The following NRG3 variants were observed in gnomAD, a reference collection of about 807,000 sequenced individuals.
NRG3 encodes the protein neuregulin 3.
NRG3 carries 31 observed loss-of-function variants against 66.9 expected under a neutral mutation model. The ratio of observed to expected loss-of-function variants is 0.46; its 90% CI spans 0.35 to 0.63. NRG3 has a LOEUF of 0.63. Ranked by LOEUF, NRG3 falls within the 20% of genes least tolerant of loss-of-function variation. The pLI is 0.00. For missense variants in NRG3, 910 were observed against 878.9 expected (o/e 1.04, Z -0.45); for synonymous variants, 393 against 359.4 (o/e 1.09, Z -1.06).
intron 1 of NRG3, among the ~76,000 whole-genome samples, chr10:82,175,030 A>C (rs2133151853): frequency 6.6e-6 from 1 of 152,228 alleles, no homozygotes; most frequent in East Asian, 1.9e-4. Context: ...ACATCCAGTC[A>C]TCCAAGTTAG....
At chr10:82,112,929 C>T (rs938497781) in intron 1 of NRG3, among the ~76,000 whole-genome samples, 1 of 152,028 alleles carries the variant, frequency 6.6e-6, no homozygotes, top group African/African-American at 2.4e-5. Flanking sequence ...TAGGTTGTGC[C>T]CCATGGTTGA....
intron 3 of NRG3, among the ~76,000 whole-genome samples, chr10:82,850,238 C>G (rs1300259883): frequency 6.6e-6 from 1 of 152,276 alleles, no homozygotes; most frequent in East Asian, 1.9e-4. Flanking sequence ...GAAGTTGGTG[C>G]AGAAGAGAAT....
chr10:82,893,208 A>T (rs533217828), intron 4 of NRG3, among the ~76,000 whole-genome samples: 2 of 152,340 alleles, frequency 1.3e-5, no homozygotes, highest in South Asian at 4.1e-4. Flanking sequence ...TCTAGTGCAT[A>T]ACACAGCCTC....
intron 2 of NRG3, among the ~76,000 whole-genome samples, chr10:82,582,447 G>A (rs1357828302): frequency 2.0e-5 from 3 of 152,066 alleles, no homozygotes; most frequent in African/African-American, 7.2e-5. Context: ...TAAATGGTAT[G>A]GCTCCCTTCT....
rs564516855 is a variant in NRG3, at chr10:82,096,226, C to T, written c.823+220063C>T. On this transcript the variant is annotated intron_variant, in intron 1 of 8. Coordinates refer to ENST00000372141, the MANE Select transcript of NRG3 (RefSeq NM_001010848.4). ...GCACAGTGGCTCATGCCTGTAATCC[C>T]AGCACTTTGGGAGGCTGAGGTGGGC... Among the ~76,000 whole-genome samples, 22 of 152,244 alleles carry T rather than the reference C, an allele frequency of 1.4e-4. No homozygotes were observed. In the South Asian group the frequency reaches 2.5e-3, roughly 17 times the overall value.
At chr10:82,061,876 C>T (rs1564782399) in intron 1 of NRG3, among the ~76,000 whole-genome samples, 2 of 151,842 alleles carry the variant, frequency 1.3e-5, no homozygotes, top group Non-Finnish European at 2.9e-5. Flanking sequence ...CACACAAACA[C>T]ACACACACAC....
intron 4 of NRG3, among the ~76,000 whole-genome samples, chr10:82,924,678 A>G (rs764834461): frequency 2.0e-5 from 3 of 152,036 alleles, no homozygotes; most frequent in African/African-American, 7.2e-5. Context: ...TGGTAGTGTA[A>G]TTAAGATTTT....
At chr10:82,616,368 C>A (rs1031542402) in intron 2 of NRG3, among the ~76,000 whole-genome samples, 1 of 152,120 alleles carries the variant, frequency 6.6e-6, no homozygotes, top group Non-Finnish European at 1.5e-5. Context: ...GTGTACAATT[C>A]TTTTTTCAGT....
At chr10:82,409,835 GGCTGGCAGTTGAT>G (rs2087918831) in intron 2 of NRG3, among the ~76,000 whole-genome samples, 1 of 152,148 alleles carries the variant, frequency 6.6e-6, no homozygotes. Flanking sequence ...TTACTCAGGT[GGCTGGCAGTTGAT>G]GCTGGCTGTC....
intron 3 of NRG3, among the ~76,000 whole-genome samples, chr10:82,829,695 G>A (rs2062417175): frequency 6.6e-6 from 1 of 152,092 alleles, no homozygotes; most frequent in Non-Finnish European, 1.5e-5. Flanking sequence ...TTGGAGCCTG[G>A]GGAGTAACCT....
chr10:82,288,916 T>G (rs1299859223), intron 1 of NRG3, among the ~76,000 whole-genome samples: 3 of 152,238 alleles, frequency 2.0e-5, no homozygotes, highest in Non-Finnish European at 2.9e-5. Context: ...GTTTGGTCAC[T>G]TTAGCATTAA....
chr10:82,590,621 T>C (rs1188551396), intron 2 of NRG3, among the ~76,000 whole-genome samples: 3 of 152,184 alleles, frequency 2.0e-5, no homozygotes, highest in African/African-American at 7.2e-5. Flanking sequence ...AAGATTTATA[T>C]AGATGCTGCA....
chr10:82,362,753 G>A (rs898390148), intron 2 of NRG3, among the ~76,000 whole-genome samples: 1 of 151,742 alleles, frequency 6.6e-6, no homozygotes, highest in African/African-American at 2.4e-5. Context: ...GGTATATTGT[G>A]GGACTTAGTA....
intron 1 of NRG3, among the ~76,000 whole-genome samples, chr10:82,293,198 G>A (rs1007343814): frequency 1.3e-5 from 2 of 152,102 alleles, no homozygotes; most frequent in African/African-American, 2.4e-5. Context: ...GATGGTCTAC[G>A]TTGAGTTCAA....
chr10:81,983,976 A>C (rs1397172740), intron 1 of NRG3, among the ~76,000 whole-genome samples: 1 of 147,918 alleles, frequency 6.8e-6, no homozygotes, highest in East Asian at 1.9e-4. Flanking sequence ...GAAAATAAAT[A>C]AAGAAGGTTC....
At chr10:82,590,505 C>A (rs1211602018) in intron 2 of NRG3, among the ~76,000 whole-genome samples, 1 of 152,080 alleles carries the variant, frequency 6.6e-6, no homozygotes, top group African/African-American at 2.4e-5. Context: ...GATCCATGGA[C>A]CTGTAGGATG....
At chr10:82,663,025 A>C (rs901708736) in intron 2 of NRG3, among the ~76,000 whole-genome samples, 1 of 152,234 alleles carries the variant, frequency 6.6e-6, no homozygotes, top group Non-Finnish European at 1.5e-5. Flanking sequence ...GAAATCTCTT[A>C]GATGATTAGA....
At chr10:82,740,320 G>C (rs1252995771) in intron 3 of NRG3, among the ~76,000 whole-genome samples, 1 of 151,396 alleles carries the variant, frequency 6.6e-6, no homozygotes, top group South Asian at 2.1e-4. Context: ...GGTTACAAAG[G>C]GCAAGGTCTT....
At chr10:82,017,574 A>G (rs1199314649) in intron 1 of NRG3, among the ~76,000 whole-genome samples, 3 of 151,994 alleles carry the variant, frequency 2.0e-5, no homozygotes, top group Admixed American at 6.6e-5. Flanking sequence ...AAGTGTTCCT[A>G]TTTCTCCACA....
Sources: allele counts gnomAD v4.1 joint callset (sites outside exome capture counted in the v4.1 genomes callset), GRCh38; gene constraint gnomAD v4.1.1; transcripts MANE v1.5; gene names NCBI Gene and HGNC (gene_info 2026-07-23, HGNC 2026-07-21).